Variants in LARP4 observed in about 807,000 individuals in gnomAD.
LARP4 encodes la-related protein 4.
Under a neutral mutation model 92.9 loss-of-function variants are expected in LARP4, and 29 were observed. That is an observed-to-expected ratio of 0.31 (90% CI 0.23 to 0.43). LARP4 has a LOEUF of 0.43. Ranked by LOEUF, LARP4 falls within the 20% of genes least tolerant of loss-of-function variation. The probability of loss-of-function intolerance (pLI) is 1.00; values close to 1 mark genes in which losing one functional copy is unlikely to be tolerated. For synonymous variants in LARP4, 279 were observed against 284.1 expected (o/e 0.98, Z 0.18); for missense variants, 732 against 860.0 (o/e 0.85, Z 1.86).
chr12:50,411,992 C>T (rs1409464644), intron 1 of LARP4, among the ~76,000 whole-genome samples: 1 of 152,006 alleles, frequency 6.6e-6, no homozygotes, highest in African/African-American at 2.4e-5. Flanking sequence ...CCCTAGACTC[C>T]TTAGGTTTAA....
At chr12:50,469,761 T>A (rs1165530080) in intron 13 of LARP4, among the ~76,000 whole-genome samples, 1 of 151,410 alleles carries the variant, frequency 6.6e-6, no homozygotes, top group African/African-American at 2.4e-5. Context: ...ATAGAAAAAT[T>A]AGCTGGGCAT....
At chr12:50,411,899 T>C (rs1456823138) in intron 1 of LARP4, among the ~76,000 whole-genome samples, 2 of 152,102 alleles carry the variant, frequency 1.3e-5, no homozygotes, top group African/African-American at 4.8e-5. Flanking sequence ...GCCAGGCTGG[T>C]CTTGAACTCC....
intron 13 of LARP4, among the ~76,000 whole-genome samples, chr12:50,468,610 T>C (rs1452198089): frequency 6.6e-6 from 1 of 152,132 alleles, no homozygotes; most frequent in Non-Finnish European, 1.5e-5. Context: ...TTAACATCTT[T>C]TTATTGTAAC....
chr12:50,475,205 A>G (rs1390580329), intron 15 of LARP4, among the ~76,000 whole-genome samples: 1 of 152,160 alleles, frequency 6.6e-6, no homozygotes, highest in Non-Finnish European at 1.5e-5. Flanking sequence ...TAGCAAGGAA[A>G]CAGGAGCAGA....
chr12:50,413,776 T>C (rs1946312921), intron 1 of LARP4, among the ~76,000 whole-genome samples: 1 of 152,188 alleles, frequency 6.6e-6, no homozygotes, highest in Admixed American at 6.6e-5. Flanking sequence ...CTCCTTGTAG[T>C]ATCACCTTGC....
rs1047085836 is a variant in LARP4, at chr12:50,440,478, G to A, written c.679G>A (p.Val227Met). Residue 227 changes from valine to methionine, a missense_variant, in exon 7 of 16, where the codon GTG (valine) becomes ATG (methionine). Around this residue, in one of 7 missense-constraint regions of LARP4, gnomAD observed 236 missense variants for 307.6 expected, o/e 0.77. Transcript: ENST00000398473. ...GTTCAAAAGTGAAAACTGCCCCAAAGTGATAAGCTGTGAGTTTGCACACAA... is the reference window on the plus strand; with the variant it reads ...GTTCAAAAGTGAAAACTGCCCCAAAATGATAAGCTGTGAGTTTGCACACAA... ...GLFKSENCPK[V>M]ISCEFAHNSN... 2 of 1,613,910 alleles carry A rather than the reference G, an allele frequency of 1.2e-6. No individual in the cohort carries two copies. Among genetic ancestry groups the A allele is most frequent in the South Asian group, 1.1e-5 (1 of 91,084 alleles).
In LARP4 at chr12:50,475,941, G is replaced by T; in HGVS notation, c.*77G>T. 8.1e-7 allele frequency: 1 copy of T among 1,241,174 alleles called. No individual in the cohort carries two copies. The allele number at this position is 1,241,174 out of a possible 1,614,324, so 76.9% of individuals were successfully genotyped here. On this transcript the variant is annotated 3_prime_UTR_variant, in exon 16 of 16. Transcript: ENST00000398473. ...TGTGGCTATATTGAACTGTTTTGGA[G>T]GGGAGGGGGTAGCCAGGAAGGAAAC... is the stretch of plus-strand genomic sequence containing the variant.
chr12:50,426,714 TG>T (rs1948799491), intron 1 of LARP4, among the ~76,000 whole-genome samples: 1 of 140,422 alleles, frequency 7.1e-6, no homozygotes, highest in African/African-American at 2.8e-5. Context: ...TGTGTGTGTG[TG>T]TGTGTGTGTG....
Position 50,453,600 on chromosome 12 carries a change from A to G in LARP4, c.945A>G (p.Gln315=), listed in dbSNP as rs531241313. The G allele has an allele frequency of 6.8e-6, 11 of 1,613,704 alleles. No homozygotes were observed. In the East Asian group the frequency reaches 1.3e-4, roughly 20 times the overall value. ...VFMQPVYNPH[Q]QYSVYSIVPQ... is the part of the protein sequence containing the mutation. ...TGCAGCCTGTATATAATCCTCACCA[A>G]CAGTACTCGGTCTATAGTATTGTGC... The change falls in exon 9 of 16, where the codon CAA becomes CAG. Residue 315 remains glutamine, a synonymous_variant. Transcript: ENST00000398473.
At chr12:50,401,863 CT>C (rs1298674837) in intron 1 of LARP4, among the ~76,000 whole-genome samples, 2 of 152,188 alleles carry the variant, frequency 1.3e-5, no homozygotes, top group African/African-American at 4.8e-5. Flanking sequence ...AGTTGGATAC[CT>C]GCCTTACAGA....
At chr12:50,430,730 G>A (rs1376705873) in intron 4 of LARP4, among the ~76,000 whole-genome samples, 160 bp downstream of exon 4, 3 of 151,524 alleles carry the variant, frequency 2.0e-5, no homozygotes, top group East Asian at 2.0e-4. Context: ...GTGTGATCTC[G>A]GCTCACAGCA....
intron 1 of LARP4, among the ~76,000 whole-genome samples, chr12:50,427,155 C>A (rs1353636544): frequency 6.6e-6 from 1 of 152,090 alleles, no homozygotes; most frequent in Non-Finnish European, 1.5e-5. Context: ...CTGCTTTTAT[C>A]TTGTGATAAA....
chr12:50,471,803 G>A (rs1956968324), intron 13 of LARP4, among the ~76,000 whole-genome samples: 2 of 152,176 alleles, frequency 1.3e-5, no homozygotes, highest in South Asian at 4.1e-4. Context: ...GTTGACAGGT[G>A]TGAGCCACTG....
intron 2 of LARP4, among the ~76,000 whole-genome samples, chr12:50,428,567 A>G (rs1461285053): frequency 1.3e-5 from 2 of 152,136 alleles, no homozygotes; most frequent in African/African-American, 2.4e-5. Flanking sequence ...TGACTCTGCT[A>G]TTTACTCACT....
intron 10 of LARP4, among the ~76,000 whole-genome samples, chr12:50,455,235 G>T (rs1953996093): frequency 6.6e-6 from 1 of 152,102 alleles, no homozygotes; most frequent in South Asian, 2.1e-4. Flanking sequence ...TGTTGTTGTT[G>T]TTGTGGGGGT....
rs186129796 is a variant in LARP4 at position 50,431,749 on chromosome 12, A to G, written c.398+1179A>G. Reference sequence around the variant, plus strand: ...TAATCCCAGCTACTCGGGAGGTGGCAGCAGGAGAATCACTTGAACCGGGGA... The same window carrying G: ...TAATCCCAGCTACTCGGGAGGTGGCGGCAGGAGAATCACTTGAACCGGGGA... On this transcript the variant is annotated intron_variant, in intron 4 of 15. Coordinates refer to ENST00000398473, the MANE Select transcript of LARP4 (RefSeq NM_052879.5). 8.3e-4 allele frequency among the ~76,000 whole-genome samples: 127 copies of G among 152,230 alleles called. 1 individual carries two copies. The East Asian group carries it at 0.02, about 24-fold the overall frequency.
chr12:50,426,740 T>G (rs1428702234), intron 1 of LARP4, among the ~76,000 whole-genome samples: 2 of 144,634 alleles, frequency 1.4e-5, no homozygotes, highest in African/African-American at 2.5e-5. Flanking sequence ...TGGTTTTTTT[T>G]TTTTTTTTTT....
In LARP4 at chr12:50,469,891, A is replaced by G. The variant is rs186125564; in HGVS notation, c.1545+2771A>G. The stretch of plus-strand genomic sequence containing the variant: ...GCCATTGCACTCCAGCCTGGGCGAC[A>G]AGAGCAAGACTCTGTCTCAAAAAAC... On this transcript the variant is annotated intron_variant, in intron 13 of 15. Transcript: ENST00000398473. 2.1e-4 allele frequency among the ~76,000 whole-genome samples: 32 copies of G among 151,630 alleles called. No individual in the cohort carries two copies. In the East Asian group the frequency reaches 4.9e-3, roughly 23 times the overall value.
At chr12:50,409,748 T>C (rs1156797131) in intron 1 of LARP4, among the ~76,000 whole-genome samples, 1 of 149,838 alleles carries the variant, frequency 6.7e-6, no homozygotes, top group Non-Finnish European at 1.5e-5. Context: ...CTGGATGACA[T>C]AGCAAGATTC....
Sources: allele counts gnomAD v4.1 joint callset (sites outside exome capture counted in the v4.1 genomes callset), GRCh38; gene constraint gnomAD v4.1.1; regional missense constraint gnomAD v4.1.1; transcripts MANE v1.5; gene names NCBI Gene and HGNC (gene_info 2026-07-23, HGNC 2026-07-21).